The following NHERF4 variants were observed in gnomAD, a reference collection of about 807,000 sequenced individuals.
NHERF4 encodes NHERF family PDZ scaffold protein 4.
the NHERF4 span, chr11:119,189,987 C>T: frequency 2.6e-6 from 1 of 379,858 alleles, no homozygotes; most frequent in South Asian, 4.3e-5. The surrounding 1 kb of genome is among the most constrained non-coding windows in gnomAD (Gnocchi z 5.8). Flanking sequence ...GGGTAAGGGG[C>T]AGTGGTGTGA....
the NHERF4 span, chr11:119,188,234 G>A: frequency 6.4e-7 from 1 of 1,557,148 alleles, no homozygotes; most frequent in Non-Finnish European, 8.7e-7. Context: ...CCGAAGAGGT[G>A]TCCCTGTCTG....
the NHERF4 span, chr11:119,187,565 C>G: frequency 1.3e-6 from 2 of 1,595,164 alleles, no homozygotes; most frequent in Non-Finnish European, 1.7e-6. Context: ...AATTTCTAGG[C>G]AATCAGGGTC....
At chr11:119,187,405 C>T in the NHERF4 span, 26 of 1,613,914 alleles carry the variant, frequency 1.6e-5, no homozygotes, top group Admixed American at 5.0e-5. Context: ...GGTCCGGCCC[C>T]GGCTGTGCCA....
the NHERF4 span, chr11:119,189,079 T>C: frequency 6.2e-7 from 1 of 1,614,076 alleles, no homozygotes; most frequent in Non-Finnish European, 8.5e-7. This position sits in a 1 kb window ranked among gnomAD's most constrained non-coding sequence, Gnocchi z 5.8. Flanking sequence ...ACGGGTATCC[T>C]GTTGGGGGAC....
chr11:119,186,697 CTG>C, the NHERF4 span: 1 of 1,594,828 alleles, frequency 6.3e-7, no homozygotes, highest in African/African-American at 1.3e-5. This position sits in a 1 kb window ranked among gnomAD's most constrained non-coding sequence, Gnocchi z 4.4. Context: ...GGTGGTAAGG[CTG>C]TGGTCCAGGA....
At chr11:119,187,147 A>G in the NHERF4 span, 2 of 847,850 alleles carry the variant, frequency 2.4e-6, no homozygotes, top group Non-Finnish European at 3.4e-6. Context: ...TCTCAAAAAA[A>G]AAAAAAAAAA....
the NHERF4 span, chr11:119,187,963 G>A: frequency 7.6e-6 from 12 of 1,573,090 alleles, no homozygotes; most frequent in South Asian, 1.2e-5. Context: ...GACAGCAGGT[G>A]ACCTTGCTGG....
the NHERF4 span, chr11:119,190,187 T>TAAATAA: frequency 3.7e-5 from 40 of 1,088,306 alleles, no homozygotes; most frequent in Middle Eastern, 6.4e-4. This position sits in a 1 kb window ranked among gnomAD's most constrained non-coding sequence, Gnocchi z 4.2. Context: ...AGAAGAAAAC[T>TAAATAA]AAATAAAAAT....
At chr11:119,187,232 G>T in the NHERF4 span, 34 of 1,536,844 alleles carry the variant, frequency 2.2e-5, no homozygotes, top group Non-Finnish European at 2.8e-5. Context: ...TGGCAAGAGG[G>T]TCTAGACCAA....
chr11:119,187,175 C>A, the NHERF4 span: 2 of 1,013,080 alleles, frequency 2.0e-6, no homozygotes, highest in Non-Finnish European at 1.4e-6. Context: ...GAAAAAAAGC[C>A]GATTCCCTTG....
At chr11:119,189,602 C>T in the NHERF4 span, 4 of 1,227,494 alleles carry the variant, frequency 3.3e-6, no homozygotes, top group African/African-American at 4.5e-5. This position sits in a 1 kb window ranked among gnomAD's most constrained non-coding sequence, Gnocchi z 5.8. Context: ...GGGACTCAGA[C>T]ACCACCGATC....
At chr11:119,186,816 C>T in the NHERF4 span, 2 of 966,736 alleles carry the variant, frequency 2.1e-6, no homozygotes, top group Non-Finnish European at 3.0e-6. The surrounding 1 kb of genome is among the most constrained non-coding windows in gnomAD (Gnocchi z 4.4). Flanking sequence ...TAGAAGTGCC[C>T]AAGTCAGAGG....
the NHERF4 span, chr11:119,188,315 G>C: frequency 6.2e-7 from 1 of 1,610,676 alleles, no homozygotes; most frequent in Non-Finnish European, 8.5e-7. Context: ...CAGTGGCCTA[G>C]GATAGCTGGA....
the NHERF4 span, among the ~76,000 whole-genome samples, chr11:119,186,925 G>A: frequency 6.6e-6 from 1 of 152,160 alleles, no homozygotes; most frequent in South Asian, 2.1e-4. This position sits in a 1 kb window ranked among gnomAD's most constrained non-coding sequence, Gnocchi z 4.4. Context: ...GATCACCCAA[G>A]GTCAGGAGTT....
At chr11:119,185,953 G>A in the NHERF4 span, 1 of 1,614,150 alleles carries the variant, frequency 6.2e-7, no homozygotes, top group Non-Finnish European at 8.5e-7. Flanking sequence ...CGTTAACTCT[G>A]TAAGTGCCAC....
the NHERF4 span, chr11:119,188,021 C>G: frequency 6.4e-7 from 1 of 1,560,806 alleles, no homozygotes. Context: ...GGGATTGCCC[C>G]TGGCTGCACC....
the NHERF4 span, chr11:119,188,689 C>T: frequency 5.6e-6 from 9 of 1,614,166 alleles, no homozygotes; most frequent in African/African-American, 1.3e-5. Context: ...GCTCCCGCCT[C>T]GCCCCGGGGC....
the NHERF4 span, chr11:119,186,780 G>C: frequency 7.9e-7 from 1 of 1,259,398 alleles, no homozygotes; most frequent in Admixed American, 2.7e-5. This position sits in a 1 kb window ranked among gnomAD's most constrained non-coding sequence, Gnocchi z 4.4. Flanking sequence ...CAGGGCACAA[G>C]CCTCACTCCC....
chr11:119,187,738 G>C, the NHERF4 span: 5 of 1,473,204 alleles, frequency 3.4e-6, no homozygotes, highest in East Asian at 2.5e-5. Context: ...CCCCCAATCC[G>C]GGCCTGGGCC....
Sources: allele counts gnomAD v4.1 joint callset (sites outside exome capture counted in the v4.1 genomes callset), GRCh38; gene constraint gnomAD v4.1.1; non-coding constraint Gnocchi (gnomAD v3.1); transcripts MANE v1.5; gene names NCBI Gene and HGNC (gene_info 2026-07-23, HGNC 2026-07-21).